The following NRG1 variants were observed in gnomAD, a reference collection of about 807,000 sequenced individuals.
NRG1 encodes the protein neuregulin 1.
In NRG1, 18 loss-of-function variants were observed where a neutral mutation model predicts 63.8. The ratio of observed to expected loss-of-function variants is 0.28; its 90% confidence interval spans 0.19 to 0.42. The LOEUF is 0.42. NRG1 is among the 10% of genes least tolerant of loss of function. The pLI, the probability that NRG1 is intolerant of heterozygous loss-of-function variation, is 1.00. For missense variants in NRG1, 762 were observed against 814.7 expected, an observed-to-expected ratio of 0.94 and a Z score of 0.79; for synonymous variants, 302 against 301.3, an observed-to-expected ratio of 1.00 and a Z score of -0.02.
intron 1 of NRG1, among the ~76,000 whole-genome samples, chr8:32,346,031 A>G (rs1408477572): frequency 6.7e-6 from 1 of 148,460 alleles, no homozygotes; most frequent in African/African-American, 2.4e-5. Flanking sequence ...ATAAATGTAT[A>G]TATAGATATA....
At chr8:32,346,552 GA>G (rs33990661) in intron 1 of NRG1, among the ~76,000 whole-genome samples, 77,436 of 147,410 alleles carry the variant, frequency 0.53, 20,883 homozygotes, top group Non-Finnish European at 0.62. Flanking sequence ...CATCTTTTGG[GA>G]AAAAAAAAAA....
intron 1 of NRG1, among the ~76,000 whole-genome samples, chr8:32,331,881 G>A (rs950277661): frequency 2.6e-5 from 4 of 152,088 alleles, no homozygotes; most frequent in South Asian, 2.1e-4. Flanking sequence ...CCATTAATCA[G>A]CATCTTACAT....
At chr8:32,600,620 A>T (rs10081571) in intron 2 of NRG1, among the ~76,000 whole-genome samples, 6,129 of 152,234 alleles carry the variant, frequency 0.04, 408 homozygotes, top group African/African-American at 0.14. Flanking sequence ...ATCACTTCAC[A>T]TTAATTTATT....
intron 1 of NRG1, among the ~76,000 whole-genome samples, chr8:31,737,403 G>A (rs11775125): frequency 0.21 from 32,047 of 152,036 alleles, 3,808 homozygotes; most frequent in Non-Finnish European, 0.26. Context: ...ACCTGACTGT[G>A]TTCTCTAGAG....
At chr8:32,574,371 T>A (rs549301009) in intron 1 of NRG1, among the ~76,000 whole-genome samples, 3 of 152,166 alleles carry the variant, frequency 2.0e-5, no homozygotes, top group Non-Finnish European at 4.4e-5. Context: ...TATATAATTC[T>A]AAGAAATCTC....
intron 1 of NRG1, among the ~76,000 whole-genome samples, chr8:32,479,120 C>T (rs985521889): frequency 2.6e-5 from 4 of 151,952 alleles, no homozygotes; most frequent in Non-Finnish European, 5.9e-5. Flanking sequence ...AGAGACAGAC[C>T]CTGGCGGAGT....
intron 1 of NRG1, among the ~76,000 whole-genome samples, chr8:31,987,320 A>ATGAG (rs1554593693): frequency 1.6e-5 from 2 of 125,802 alleles, no homozygotes; most frequent in Non-Finnish European, 3.2e-5. Context: ...AAACATATAT[A>ATGAG]TGTGTGTGTG....
At chr8:32,275,433 G>A (rs1057344994) in intron 1 of NRG1, among the ~76,000 whole-genome samples, 36 of 152,278 alleles carry the variant, frequency 2.4e-4, no homozygotes, top group African/African-American at 8.2e-4. Context: ...GAGATGGAGA[G>A]TGACCTGGAC....
chr8:32,681,275 A>C (rs2976515), intron 5 of NRG1, among the ~76,000 whole-genome samples: 144,766 of 152,240 alleles, frequency 0.95, 69,327 homozygotes, highest in Middle Eastern at 0.99. Flanking sequence ...TTAGACCAGG[A>C]AATCAAAATG....
intron 1 of NRG1, among the ~76,000 whole-genome samples, chr8:31,943,673 T>C (rs1802108878): frequency 6.6e-6 from 1 of 152,186 alleles, no homozygotes; most frequent in Non-Finnish European, 1.5e-5. Context: ...GGTTACCTTG[T>C]TCACCCTTTT....
At chr8:32,411,101 G>T (rs1338910245) in intron 1 of NRG1, among the ~76,000 whole-genome samples, 1 of 151,944 alleles carries the variant, frequency 6.6e-6, no homozygotes, top group African/African-American at 2.4e-5. Context: ...GTCTCGATCT[G>T]GTGACCTCTT....
intron 3 of NRG1, among the ~76,000 whole-genome samples, chr8:32,611,664 C>G (rs1846378759): frequency 6.6e-6 from 1 of 151,944 alleles, no homozygotes; most frequent in Non-Finnish European, 1.5e-5. Context: ...CTTAAGTTAT[C>G]TTTATAACTG....
intron 1 of NRG1, among the ~76,000 whole-genome samples, chr8:31,847,506 A>G (rs1265278104): frequency 6.6e-6 from 1 of 152,218 alleles, no homozygotes; most frequent in African/African-American, 2.4e-5. Context: ...TGAAGCAGCT[A>G]AAAAACCCTA....
chr8:32,726,855 G>T (rs1399958091), intron 5 of NRG1, among the ~76,000 whole-genome samples: 1 of 149,488 alleles, frequency 6.7e-6, no homozygotes, highest in Non-Finnish European at 1.5e-5. Context: ...GAATTAAAAA[G>T]GAATTAAAAA....
At chr8:31,980,670 G>A (rs1014147117) in intron 1 of NRG1, among the ~76,000 whole-genome samples, 4 of 151,924 alleles carry the variant, frequency 2.6e-5, no homozygotes, top group Non-Finnish European at 5.9e-5. Context: ...TACCATAAAG[G>A]TTTAGGTCTA....
At chr8:32,669,406 G>C (rs1339811032) in intron 5 of NRG1, among the ~76,000 whole-genome samples, 1 of 152,102 alleles carries the variant, frequency 6.6e-6, no homozygotes, top group Non-Finnish European at 1.5e-5. Flanking sequence ...AATTTCTATA[G>C]CTTAGTAAAT....
intron 1 of NRG1, among the ~76,000 whole-genome samples, chr8:32,363,806 C>T (rs2129482078): frequency 6.6e-6 from 1 of 152,032 alleles, no homozygotes; most frequent in Non-Finnish European, 1.5e-5. Context: ...AAGAAATAAC[C>T]TAGATCAGAA....
chr8:32,596,103 A>G (rs1229498091), intron 2 of NRG1, 98 bp downstream of exon 2: 1 of 917,148 alleles, frequency 1.1e-6, no homozygotes. Flanking sequence ...TATCAGAAAC[A>G]TAATAGATAA....
At chr8:32,238,445 GAA>G (rs111889956) in intron 1 of NRG1, among the ~76,000 whole-genome samples, 4 of 106,406 alleles carry the variant, frequency 3.8e-5, no homozygotes, top group East Asian at 2.9e-4. Context: ...TTCTCAAAAA[GAA>G]AAAAAAAAAA....
Sources: gnomAD v4.1 joint callset for allele counts (sites outside exome capture counted in the v4.1 genomes callset) on GRCh38, gnomAD v4.1.1 for gene constraint, MANE v1.5 for transcripts, NCBI Gene and HGNC (gene_info 2026-07-23, HGNC 2026-07-21) for gene names.